The following CCSER1 variants were observed in gnomAD, a reference collection of about 807,000 sequenced individuals.
CCSER1 encodes coiled-coil serine rich protein 1.
In CCSER1, 41 loss-of-function variants were observed where a neutral mutation model predicts 82.0. That is an observed-to-expected ratio of 0.50 (90% CI 0.39 to 0.65). The LOEUF (loss-of-function observed/expected upper bound fraction) is 0.65, where lower values mean the gene tolerates loss of function less well. Among genes scored for constraint, CCSER1 ranks in the 30% least tolerant of loss-of-function variants. CCSER1 has a pLI of 0.00. For synonymous variants in CCSER1, 414 were observed against 383.9 expected (o/e 1.08, Z -0.92); for missense variants, 1,119 against 1,064.2 (o/e 1.05, Z -0.72).
At chr4:90,712,916 T>G (rs1375714856) in intron 6 of CCSER1, among the ~76,000 whole-genome samples, 1 of 151,090 alleles carries the variant, frequency 6.6e-6, no homozygotes, top group East Asian at 2.0e-4. Context: ...TTTTTTTTTT[T>G]TAATCATTGT....
At chr4:90,440,940 C>T (rs554443428) in intron 4 of CCSER1, among the ~76,000 whole-genome samples, 14 of 151,422 alleles carry the variant, frequency 9.2e-5, no homozygotes, top group Admixed American at 2.0e-4. Flanking sequence ...AATTTAGCTT[C>T]GAGGATTTTC....
At chr4:90,229,740 G>C (rs1187677859) in intron 1 of CCSER1, among the ~76,000 whole-genome samples, 3 of 152,148 alleles carry the variant, frequency 2.0e-5, no homozygotes, top group Non-Finnish European at 4.4e-5. Context: ...CACATGCAGA[G>C]ACACACGTAG....
intron 10 of CCSER1, among the ~76,000 whole-genome samples, chr4:91,503,043 T>G (rs1161382702): frequency 1.3e-5 from 2 of 152,064 alleles, no homozygotes; most frequent in Non-Finnish European, 2.9e-5. Flanking sequence ...GTGGGAAACT[T>G]GTATAAGAAA....
intron 10 of CCSER1, among the ~76,000 whole-genome samples, chr4:91,478,511 C>A (rs532288846): frequency 6.6e-6 from 1 of 151,766 alleles, no homozygotes; most frequent in African/African-American, 2.4e-5. Context: ...ATGAAAAAAT[C>A]GTAACAGTCT....
chr4:91,543,801 G>T (rs537983271), intron 10 of CCSER1, among the ~76,000 whole-genome samples: 2 of 152,136 alleles, frequency 1.3e-5, no homozygotes, highest in African/African-American at 4.8e-5. Context: ...TTCTCGAGGA[G>T]TATCTTTGTG....
At chr4:90,488,763 G>A in intron 5 of CCSER1, among the ~76,000 whole-genome samples, 1 of 152,108 alleles carries the variant, frequency 6.6e-6, no homozygotes, top group East Asian at 1.9e-4. Context: ...CACTTCAATT[G>A]TATATAATGA....
chr4:90,481,172 C>T (rs1165797463), intron 5 of CCSER1, among the ~76,000 whole-genome samples: 1 of 151,094 alleles, frequency 6.6e-6, no homozygotes, highest in African/African-American at 2.4e-5. Flanking sequence ...TGATTTGGCT[C>T]TCTGTTATTG....
chr4:90,409,369 G>GCAGC (rs948051965), intron 4 of CCSER1, among the ~76,000 whole-genome samples: 6 of 152,168 alleles, frequency 3.9e-5, no homozygotes, highest in Non-Finnish European at 1.5e-5. Context: ...AATGTTAAGG[G>GCAGC]CAGCCAGAGA....
chr4:90,917,408 G>T (rs944850378), intron 8 of CCSER1, among the ~76,000 whole-genome samples: 19 of 152,088 alleles, frequency 1.2e-4, no homozygotes, highest in African/African-American at 4.6e-4. Flanking sequence ...GCAAACTATT[G>T]CAAGGACAAA....
chr4:90,573,203 TGG>T (rs1304922438), intron 5 of CCSER1, among the ~76,000 whole-genome samples: 1 of 152,188 alleles, frequency 6.6e-6, no homozygotes, highest in African/African-American at 2.4e-5. Context: ...GGCACAGTGC[TGG>T]GATGTGCCTG....
At chr4:90,768,077 T>C (rs894155835) in intron 7 of CCSER1, among the ~76,000 whole-genome samples, 3 of 152,184 alleles carry the variant, frequency 2.0e-5, no homozygotes, top group Non-Finnish European at 2.9e-5. Flanking sequence ...GAATAGAATA[T>C]GGAAGAAATA....
chr4:90,406,082 A>G (rs911371691), intron 4 of CCSER1, among the ~76,000 whole-genome samples: 2 of 152,208 alleles, frequency 1.3e-5, no homozygotes, highest in Admixed American at 1.3e-4. Context: ...AATGGGTAAT[A>G]ATTCACTAAA....
chr4:90,418,907 A>G (rs974781294), intron 4 of CCSER1, among the ~76,000 whole-genome samples: 38 of 151,990 alleles, frequency 2.5e-4, no homozygotes, highest in African/African-American at 9.2e-4. Flanking sequence ...ATAATTTCTA[A>G]GCATTTTGGA....
chr4:91,268,221 A>G (rs1265736102), intron 10 of CCSER1, among the ~76,000 whole-genome samples: 1 of 152,214 alleles, frequency 6.6e-6, no homozygotes, highest in African/African-American at 2.4e-5. Flanking sequence ...TAAATAAAAA[A>G]GAAGGGCATA....
intron 3 of CCSER1, among the ~76,000 whole-genome samples, chr4:90,382,075 T>C (rs1247554904): frequency 6.6e-6 from 1 of 152,036 alleles, no homozygotes; most frequent in African/African-American, 2.4e-5. Context: ...TGTCTAATTT[T>C]TTGAGTGATT....
chr4:91,152,088 A>G (rs1317875613), intron 10 of CCSER1, among the ~76,000 whole-genome samples: 3 of 152,168 alleles, frequency 2.0e-5, no homozygotes, highest in Admixed American at 2.0e-4. Flanking sequence ...AAAGTTTCCC[A>G]TTACTATTGT....
At chr4:91,540,415 C>A (rs1761526443) in intron 10 of CCSER1, among the ~76,000 whole-genome samples, 1 of 152,010 alleles carries the variant, frequency 6.6e-6, no homozygotes, top group Admixed American at 6.6e-5. Flanking sequence ...GAGTTGTTTT[C>A]TTATTGTTTA....
chr4:91,418,152 T>C (rs1488247044), intron 10 of CCSER1, among the ~76,000 whole-genome samples: 1 of 151,558 alleles, frequency 6.6e-6, no homozygotes, highest in Non-Finnish European at 1.5e-5. Flanking sequence ...GATAAACAAC[T>C]TAAATTCACA....
chr4:90,596,142 A>G (rs562011910), intron 5 of CCSER1, among the ~76,000 whole-genome samples: 17 of 152,102 alleles, frequency 1.1e-4, no homozygotes, highest in African/African-American at 4.1e-4. Context: ...CTTTGGAAAC[A>G]AAACTATTTC....
Sources: gnomAD v4.1 joint callset for allele counts (sites outside exome capture counted in the v4.1 genomes callset) on GRCh38, gnomAD v4.1.1 for gene constraint, MANE v1.5 for transcripts, NCBI Gene and HGNC (gene_info 2026-07-23, HGNC 2026-07-21) for gene names.